PARP11: variants seen among roughly 807,000 people sequenced by gnomAD.
The protein encoded by PARP11 is protein mono-ADP-ribosyltransferase PARP11.
A neutral mutation model predicts 42.9 loss-of-function variants in PARP11; 31 were observed. That is an observed-to-expected ratio of 0.72 (90% CI 0.54 to 0.98). The LOEUF (loss-of-function observed/expected upper bound fraction) is 0.98. Among genes scored for constraint, PARP11 ranks in the 50% least tolerant of loss-of-function variants. The pLI is 0.00. For synonymous variants in PARP11, 137 were observed against 127.3 expected (o/e 1.08, Z -0.51); for missense variants, 365 against 413.1 (o/e 0.88, Z 1.01).
At chr12:3,825,755 A>G (rs1947505442) in intron 4 of PARP11, among the ~76,000 whole-genome samples, 1 of 152,020 alleles carries the variant, frequency 6.6e-6, no homozygotes, top group Non-Finnish European at 1.5e-5. Flanking sequence ...ATGGAGTCTC[A>G]CTCTGTCGCC....
chr12:3,836,318 C>G (rs141823746), intron 1 of PARP11, among the ~76,000 whole-genome samples: 1,751 of 149,652 alleles, frequency 0.012, 32 homozygotes, highest in African/African-American at 0.041. Flanking sequence ...TCTCAAAATA[C>G]ATAAAGTAAA....
At chr12:3,872,668 C>A in intron 1 of PARP11, 1 of 985,272 alleles carries the variant, frequency 1.0e-6, no homozygotes. Context: ...TCCTCTTAGG[C>A]CCATTCAAGA....
Position 3,826,038 on chromosome 12 carries a change from A to G in PARP11, c.344+120T>C, listed in dbSNP as rs1054425700. 16 of 625,336 alleles carry G rather than the reference A, an allele frequency of 2.6e-5. No homozygotes were observed. The Admixed American group carries it at 2.8e-4, about 11-fold the overall frequency. 38.7% of individuals were successfully genotyped at this position (625,336 alleles called of 1,614,324 possible). On this transcript the variant is annotated intron_variant, in intron 4 of 7. Transcript: ENST00000228820. ...GCCACTGCGCCTGGCCCAAGATTTG[A>G]TATTTAAAAGATCAATATTATTAAA...
intron 1 of PARP11, among the ~76,000 whole-genome samples, chr12:3,871,243 A>C (rs753838723): frequency 2.6e-5 from 4 of 152,228 alleles, no homozygotes; most frequent in Non-Finnish European, 5.9e-5. Flanking sequence ...TATTAAAGTA[A>C]ATTTATGCAG....
At chr12:3,846,504 C>A (rs1351707408) in intron 1 of PARP11, among the ~76,000 whole-genome samples, 1 of 152,000 alleles carries the variant, frequency 6.6e-6, no homozygotes, top group Non-Finnish European at 1.5e-5. Flanking sequence ...TGCCTGTAAT[C>A]CCAGCACTTT....
intron 7 of PARP11, 110 bp downstream of exon 7, chr12:3,813,927 T>C: frequency 1.4e-6 from 1 of 699,502 alleles, no homozygotes; most frequent in East Asian, 2.8e-5. Context: ...ATTTGTTTTA[T>C]CATTCTCTAT....
intron 1 of PARP11, among the ~76,000 whole-genome samples, chr12:3,853,581 C>A (rs1268303868): frequency 6.6e-6 from 1 of 152,166 alleles, no homozygotes; most frequent in East Asian, 1.9e-4. Context: ...ACAAGGAGAG[C>A]TAACTATCCT....
At chr12:3,871,892 C>T (rs563254828) in intron 1 of PARP11, 2 of 152,376 alleles carry the variant, frequency 1.3e-5, no homozygotes, top group African/African-American at 4.8e-5. Flanking sequence ...GATCTCCTGC[C>T]CTTCTGTCTC....
At chr12:3,837,379 T>C (rs1412089049) in intron 1 of PARP11, among the ~76,000 whole-genome samples, 8 of 152,196 alleles carry the variant, frequency 5.3e-5, no homozygotes, top group African/African-American at 9.7e-5. Context: ...AATCTCTCTA[T>C]AGTACAACTT....
rs559351687 is a variant in PARP11 at position 3,871,942 on chromosome 12, G to C, written c.18+1270C>G. ...TCCCAGAAGTGAGTCACAGAAACCA[G>C]AATTCTTCCCCAAGGTGAGTGATAG... On this transcript the variant is annotated intron_variant, in intron 1 of 7. Transcript: ENST00000228820. 16 of 152,204 alleles carry C rather than the reference G, an allele frequency of 1.1e-4. 1 individual carries two copies. The South Asian group carries it at 3.3e-3, about 32-fold the overall frequency. The allele number at this position is 152,204 out of a possible 1,614,324, so 9.4% of individuals were successfully genotyped here.
chr12:3,820,192 A>T (rs550313899), intron 6 of PARP11, among the ~76,000 whole-genome samples: 7 of 152,338 alleles, frequency 4.6e-5, no homozygotes, highest in Non-Finnish European at 8.8e-5. Flanking sequence ...CTTGTCATAA[A>T]GTAGGTACTA....
In PARP11 at chr12:3,840,615, T is replaced by C. The variant is rs1439986121; in HGVS notation, c.19-10597A>G. 1.6e-6 allele frequency: 2 copies of C among 1,283,518 alleles called. No individual in the cohort carries two copies. Among genetic ancestry groups the C allele is most frequent in the Admixed American group, 1.7e-5 (1 of 59,298 alleles). 79.5% of individuals were successfully genotyped at this position (1,283,518 alleles called of 1,614,324 possible). Reference sequence around the variant, plus strand: ...ATCACACAAGTCGAGAATCTAACTATTGCTACTTCTCAGAGTAGCAATCCA... The same window carrying C: ...ATCACACAAGTCGAGAATCTAACTACTGCTACTTCTCAGAGTAGCAATCCA... On this transcript the variant is annotated intron_variant, in intron 1 of 7. Coordinates refer to ENST00000228820, the MANE Select transcript of PARP11 (RefSeq NM_020367.6). The surrounding 1 kb of genome is among the most constrained non-coding windows in gnomAD (Gnocchi z 4.4).
chr12:3,853,334 A>C (rs1445951555), intron 1 of PARP11, among the ~76,000 whole-genome samples: 1 of 152,222 alleles, frequency 6.6e-6, no homozygotes. Flanking sequence ...AAAGACACAG[A>C]CTGGCAAATT....
chr12:3,832,134 A>T (rs2138050676), intron 1 of PARP11: 1 of 981,560 alleles, frequency 1.0e-6, no homozygotes, highest in South Asian at 4.7e-5. Context: ...GCTTTAGGCC[A>T]GGTTATAAAT....
chr12:3,810,600 A>C lies in PARP11; in HGVS notation c.*1523T>G, dbSNP rs1285266901. ...GCAAGACTCTGCCAAACCAAAAAAA[A>C]AGAAAGAAAAAGAAAAAGGGAGGAG... On this transcript the variant is annotated 3_prime_UTR_variant, in exon 8 of 8. Coordinates refer to ENST00000228820, the MANE Select transcript of PARP11 (RefSeq NM_020367.6). The C allele has an allele frequency of 6.7e-6, 1 of 148,656 alleles. No individual in the cohort carries two copies. The highest frequency in any genetic ancestry group is 2.5e-5 in the African/African-American group (1 of 40,292). 9.2% of individuals were successfully genotyped at this position (148,656 alleles called of 1,614,324 possible).
chr12:3,873,091 G>A (rs1013565379), intron 1 of PARP11, 121 bp downstream of exon 1: 3 of 980,250 alleles, frequency 3.1e-6, no homozygotes, highest in African/African-American at 1.6e-5. Context: ...CGGGAACTCC[G>A]GTCCCGGAAC....
At chr12:3,825,160 A>G (rs1461217869) in intron 4 of PARP11, among the ~76,000 whole-genome samples, 1 of 152,174 alleles carries the variant, frequency 6.6e-6, no homozygotes, top group Non-Finnish European at 1.5e-5. Context: ...AAAGAATTTC[A>G]ATACTTGCTT....
chr12:3,827,162 G>A (rs576699394), intron 3 of PARP11, among the ~76,000 whole-genome samples: 1 of 152,126 alleles, frequency 6.6e-6, no homozygotes, highest in African/African-American at 2.4e-5. Flanking sequence ...CATTTTTATA[G>A]AGAAAACCTG....
chr12:3,861,460 A>T lies in PARP11; in HGVS notation c.18+11752T>A, dbSNP rs963722614. Among the ~76,000 whole-genome samples the T allele has an allele frequency of 8.5e-5, 13 of 152,214 alleles. No individual in the cohort carries two copies. Among genetic ancestry groups the T allele is most frequent in the African/African-American group, 3.1e-4 (13 of 41,464 alleles). On this transcript the variant is annotated intron_variant, in intron 1 of 7. Transcript: ENST00000228820. This position sits in a 1 kb window ranked among gnomAD's most constrained non-coding sequence, Gnocchi z 4.6. Reference sequence around the variant, plus strand: ...ACATCTTTTCATGTTGTTATTTTCCATCTGCTTATCTTCTTTGGTGCAGTG... The same window carrying T: ...ACATCTTTTCATGTTGTTATTTTCCTTCTGCTTATCTTCTTTGGTGCAGTG...
Sources: gnomAD v4.1 joint callset for allele counts (sites outside exome capture counted in the v4.1 genomes callset) on GRCh38, gnomAD v4.1.1 for gene constraint, Gnocchi (gnomAD v3.1) non-coding constraint, MANE v1.5 for transcripts, NCBI Gene and HGNC (gene_info 2026-07-23, HGNC 2026-07-21) for gene names.